The following PDE4D variants were observed in gnomAD, a reference collection of about 807,000 sequenced individuals.
PDE4D encodes phosphodiesterase 4D, also known as 3',5'-cyclic-AMP phosphodiesterase 4D.
A neutral mutation model predicts 87.4 loss-of-function variants in PDE4D; 24 were observed. The ratio of observed to expected loss-of-function variants is 0.27; its 90% CI spans 0.20 to 0.39. The LOEUF is 0.39. Ranked by LOEUF, PDE4D falls within the 10% of genes least tolerant of loss-of-function variation. The pLI is 1.00. For synonymous variants in PDE4D, 384 were observed against 383.2 expected (o/e 1.00, Z -0.02); for missense variants, 714 against 1,041.0 (o/e 0.69, Z 4.32).
At chr5:59,155,192 G>C (rs1779984987) in intron 5 of PDE4D, among the ~76,000 whole-genome samples, 1 of 152,118 alleles carries the variant, frequency 6.6e-6, no homozygotes, top group South Asian at 2.1e-4. Flanking sequence ...AGAGTACACA[G>C]AGTGAGAAAA....
intron 2 of PDE4D, among the ~76,000 whole-genome samples, chr5:60,162,013 A>G (rs1782508051): frequency 6.6e-6 from 1 of 151,994 alleles, no homozygotes; most frequent in African/African-American, 2.4e-5. Context: ...ACCTACCACC[A>G]TTTTCTGATA....
intron 1 of PDE4D, among the ~76,000 whole-genome samples, chr5:60,415,016 C>G (rs1742364224): frequency 1.3e-5 from 2 of 152,244 alleles, no homozygotes; most frequent in African/African-American, 4.8e-5. Context: ...ATGCCAGTAC[C>G]TTGTCACATG....
chr5:60,220,990 T>C (rs1744429541), intron 1 of PDE4D, among the ~76,000 whole-genome samples: 1 of 152,136 alleles, frequency 6.6e-6, no homozygotes, highest in Admixed American at 6.6e-5. Context: ...TCACCCTTTA[T>C]GAACAACTCC....
At chr5:60,238,064 G>A (rs1746629634) in intron 1 of PDE4D, among the ~76,000 whole-genome samples, 1 of 151,862 alleles carries the variant, frequency 6.6e-6, no homozygotes, top group Non-Finnish European at 1.5e-5. Flanking sequence ...GCCTATGGAT[G>A]TATTCTTTAA....
chr5:59,057,722 C>A (rs1377980127), intron 5 of PDE4D, among the ~76,000 whole-genome samples: 1 of 152,172 alleles, frequency 6.6e-6, no homozygotes, highest in Non-Finnish European at 1.5e-5. Context: ...CATCCTAAAT[C>A]TCTGTAGCTT....
chr5:60,292,294 G>T (rs1752964568), intron 1 of PDE4D, among the ~76,000 whole-genome samples: 1 of 152,142 alleles, frequency 6.6e-6, no homozygotes, highest in African/African-American at 2.4e-5. Flanking sequence ...ATCCACAGAG[G>T]GTCTAGGCAT....
chr5:60,123,534 T>A (rs1778875460), intron 2 of PDE4D, among the ~76,000 whole-genome samples: 1 of 151,584 alleles, frequency 6.6e-6, no homozygotes, highest in African/African-American at 2.4e-5. Context: ...TGGGGGAAAG[T>A]TTACCCCATG....
At chr5:60,307,371 T>G (rs1754595895) in intron 1 of PDE4D, among the ~76,000 whole-genome samples, 1 of 152,200 alleles carries the variant, frequency 6.6e-6, no homozygotes, top group Admixed American at 6.5e-5. Context: ...AGAGGTTTGA[T>G]GCCAAAGACA....
At chr5:58,993,999 G>T (rs1748565242) in intron 6 of PDE4D, among the ~76,000 whole-genome samples, 1 of 152,080 alleles carries the variant, frequency 6.6e-6, no homozygotes, top group South Asian at 2.1e-4. Flanking sequence ...TACTGATCAA[G>T]GGCTCAAAAT....
At chr5:58,995,873 G>T (rs1018862664) in intron 6 of PDE4D, among the ~76,000 whole-genome samples, 2 of 152,168 alleles carry the variant, frequency 1.3e-5, no homozygotes, top group African/African-American at 4.8e-5. Context: ...CTTTGCTTAA[G>T]ACTTGGAGCC....
At chr5:60,183,459 G>C (rs1243064002) in intron 2 of PDE4D, among the ~76,000 whole-genome samples, 1 of 152,142 alleles carries the variant, frequency 6.6e-6, no homozygotes, top group Non-Finnish European at 1.5e-5. Flanking sequence ...TTGAGTTGAA[G>C]AGTGACTAAA....
At chr5:59,093,723 C>A (rs1483034900) in intron 5 of PDE4D, among the ~76,000 whole-genome samples, 1 of 152,144 alleles carries the variant, frequency 6.6e-6, no homozygotes, top group African/African-American at 2.4e-5. Flanking sequence ...GCATATGCAC[C>A]TGTATATGTC....
intron 1 of PDE4D, among the ~76,000 whole-genome samples, chr5:59,326,016 G>A (rs995607125): frequency 3.3e-5 from 5 of 151,984 alleles, no homozygotes; most frequent in African/African-American, 1.2e-4. Flanking sequence ...CTATCGCAAG[G>A]ACAGAAAACC....
intron 3 of PDE4D, among the ~76,000 whole-genome samples, chr5:59,965,001 T>A (rs959546034): frequency 3.3e-5 from 5 of 152,084 alleles, no homozygotes; most frequent in African/African-American, 1.2e-4. Flanking sequence ...ATTAAAGTTT[T>A]AAAAAAAGAA....
At chr5:59,794,410 T>A (rs1447608649) in intron 1 of PDE4D, among the ~76,000 whole-genome samples, 3 of 152,084 alleles carry the variant, frequency 2.0e-5, no homozygotes, top group Admixed American at 2.0e-4. Context: ...TGAGATGCCA[T>A]CTGTGAGGCT....
intron 3 of PDE4D, among the ~76,000 whole-genome samples, chr5:59,922,538 C>CA (rs1279973988): frequency 2.0e-5 from 3 of 152,080 alleles, no homozygotes; most frequent in African/African-American, 7.2e-5. Flanking sequence ...GGGCAAAAGG[C>CA]AGAGTCATGA....
At chr5:59,232,189 A>G (rs1755361697) in intron 1 of PDE4D, among the ~76,000 whole-genome samples, 1 of 152,192 alleles carries the variant, frequency 6.6e-6, no homozygotes, top group African/African-American at 2.4e-5. Flanking sequence ...TAAAACCAAA[A>G]ATCTCTACAT....
intron 2 of PDE4D, among the ~76,000 whole-genome samples, chr5:60,122,885 A>G (rs1778814353): frequency 1.3e-5 from 2 of 152,242 alleles, no homozygotes; most frequent in Non-Finnish European, 2.9e-5. Context: ...TGCCTTTAAC[A>G]GCACTCAAGT....
chr5:59,998,776 C>G (rs1763752018), intron 2 of PDE4D, among the ~76,000 whole-genome samples: 1 of 151,916 alleles, frequency 6.6e-6, no homozygotes, highest in African/African-American at 2.4e-5. Context: ...TTCAAATAAT[C>G]AACAGAAAGT....
Sources: gnomAD v4.1 joint callset for allele counts (sites outside exome capture counted in the v4.1 genomes callset) on GRCh38, gnomAD v4.1.1 for gene constraint, MANE v1.5 for transcripts, NCBI Gene and HGNC (gene_info 2026-07-23, HGNC 2026-07-21) for gene names.